Variants in PPP1R1C observed in about 807,000 individuals in gnomAD.
PPP1R1C encodes the protein protein phosphatase 1 regulatory subunit 1C.
PPP1R1C carries 15 observed loss-of-function variants against 17.4 expected under a neutral mutation model. The observed-to-expected ratio is 0.86, with a 90% CI of 0.58 to 1.33. The LOEUF is 1.33. Among genes scored for constraint, PPP1R1C ranks in the 40% most tolerant of loss-of-function variants. The pLI is 0.00. For missense variants in PPP1R1C, 143 were observed against 130.0 expected (o/e 1.10, Z -0.48); for synonymous variants, 35 against 43.1 (o/e 0.81, Z 0.73).
At chr2:182,105,459 G>T (rs955490258) in intron 4 of PPP1R1C, among the ~76,000 whole-genome samples, 3 of 149,168 alleles carry the variant, frequency 2.0e-5, no homozygotes, top group Non-Finnish European at 3.0e-5. Flanking sequence ...CACAATTGTA[G>T]GTTTGTCAGA....
At chr2:182,040,868 T>A (rs1385205515) in intron 2 of PPP1R1C, among the ~76,000 whole-genome samples, 1 of 152,140 alleles carries the variant, frequency 6.6e-6, no homozygotes, top group Non-Finnish European at 1.5e-5. Flanking sequence ...TCTCTACATG[T>A]GGCTTGCCAG....
intron 3 of PPP1R1C, among the ~76,000 whole-genome samples, chr2:182,062,707 A>C (rs1280571896): frequency 6.6e-6 from 1 of 152,130 alleles, no homozygotes; most frequent in Non-Finnish European, 1.5e-5. Flanking sequence ...GAGGGCAGTT[A>C]ATCTTTAGCA....
At chr2:182,111,478 G>C (rs1689435760) in intron 4 of PPP1R1C, among the ~76,000 whole-genome samples, 1 of 151,944 alleles carries the variant, frequency 6.6e-6, no homozygotes, top group South Asian at 2.1e-4. Flanking sequence ...ATACATTTAT[G>C]GTGAGTTCAG....
rs552156000 is a variant in PPP1R1C at position 181,959,489 on chromosome 2, A to G, written n.111+4855A>G. ...TTTCATGCTACATAACCCATCAACT[A>G]GTTAATACATATCTTTAAAAAACAT... On this transcript the variant is annotated intron_variant and non_coding_transcript_variant, in intron 1 of 5. Coordinates refer to the PPP1R1C transcript ENST00000464264. 4.9e-4 allele frequency among the ~76,000 whole-genome samples: 74 copies of G among 152,332 alleles called. 1 individual carries two copies. In the South Asian group the frequency reaches 0.015, roughly 31 times the overall value.
chr2:182,090,039 G>A (rs960704807), intron 4 of PPP1R1C, among the ~76,000 whole-genome samples: 8 of 151,814 alleles, frequency 5.3e-5, no homozygotes, highest in African/African-American at 1.7e-4. Context: ...CTAACCAAAA[G>A]CAAATCTTTT....
chr2:182,033,536 T>C (rs1686908712), intron 2 of PPP1R1C, among the ~76,000 whole-genome samples: 1 of 152,148 alleles, frequency 6.6e-6, no homozygotes, highest in Non-Finnish European at 1.5e-5. Context: ...AATAATCAAT[T>C]TTTGCCCATT....
At chr2:182,082,577 C>T (rs752968394) in intron 4 of PPP1R1C, among the ~76,000 whole-genome samples, 2 of 152,062 alleles carry the variant, frequency 1.3e-5, no homozygotes, top group East Asian at 3.9e-4. Context: ...TTGTTTACTG[C>T]CCTGCCTTCG....
chr2:182,040,007 G>C (rs1687133371), intron 2 of PPP1R1C, among the ~76,000 whole-genome samples: 1 of 152,180 alleles, frequency 6.6e-6, no homozygotes, highest in African/African-American at 2.4e-5. Flanking sequence ...TAGCTGAGTA[G>C]TATTCCATGG....
At chr2:181,954,952 A>G (rs1684646609) in intron 1 of PPP1R1C, among the ~76,000 whole-genome samples, 1 of 152,230 alleles carries the variant, frequency 6.6e-6, no homozygotes. Context: ...GGAGTTCTCA[A>G]ATCCTAATTG....
chr2:182,072,391 A>G (rs1449162452), intron 4 of PPP1R1C, among the ~76,000 whole-genome samples: 1 of 152,242 alleles, frequency 6.6e-6, no homozygotes. Context: ...AAAGATGTTT[A>G]TAATACCTTA....
At chr2:182,060,393 T>A (rs1196157) in intron 2 of PPP1R1C, among the ~76,000 whole-genome samples, 62 of 151,962 alleles carry the variant, frequency 4.1e-4, no homozygotes, top group African/African-American at 1.4e-3. Flanking sequence ...CACATACATA[T>A]GTATACACTG....
intron 2 of PPP1R1C, among the ~76,000 whole-genome samples, chr2:182,031,503 T>C (rs554914362): frequency 2.6e-5 from 4 of 152,324 alleles, no homozygotes; most frequent in South Asian, 2.1e-4. Flanking sequence ...CCTGGAGAAT[T>C]TGTATTTATG....
intron 1 of PPP1R1C, among the ~76,000 whole-genome samples, chr2:181,964,558 T>C (rs1684871576): frequency 6.6e-6 from 1 of 152,218 alleles, no homozygotes; most frequent in Admixed American, 6.5e-5. Context: ...TTCTCCATAG[T>C]GGCTATACTA....
At position 181,961,504 on chromosome 2, in the gene PPP1R1C, TC is replaced by T; in HGVS notation, n.111+6873del. 9.0e-7 allele frequency: 1 copy of T among 1,116,250 alleles called. No homozygotes were observed. The highest frequency in any genetic ancestry group is 1.3e-6 in the Non-Finnish European group (1 of 759,378). The allele number at this position is 1,116,250 out of a possible 1,614,324, so 69.1% of individuals were successfully genotyped here. Reference sequence around the variant, plus strand: ...CTGCAGGGTGTAGCGGGCCTCCACCTCCCTCAGGCTGTTCTCCAAGCTGGCC... The same window carrying T: ...CTGCAGGGTGTAGCGGGCCTCCACCTCCTCAGGCTGTTCTCCAAGCTGGCC... On this transcript the variant is annotated intron_variant and non_coding_transcript_variant, in intron 1 of 5. Transcript: ENST00000464264. The surrounding 1 kb of genome is among the most constrained non-coding windows in gnomAD (Gnocchi z 5.8).
intron 4 of PPP1R1C, among the ~76,000 whole-genome samples, chr2:182,087,931 G>T (rs1355741799): frequency 6.6e-5 from 10 of 152,332 alleles, no homozygotes; most frequent in Non-Finnish European, 5.9e-5. Context: ...CATAGGCTAG[G>T]AAGTGGAGCG....
intron 1 of PPP1R1C, among the ~76,000 whole-genome samples, chr2:181,964,033 C>T (rs375570012): frequency 6.6e-6 from 1 of 152,090 alleles, no homozygotes; most frequent in Non-Finnish European, 1.5e-5. Context: ...CCCTGTTGTG[C>T]TATCAAATAC....
intron 2 of PPP1R1C, among the ~76,000 whole-genome samples, chr2:182,040,056 G>A (rs929660538): frequency 6.6e-6 from 1 of 152,140 alleles, no homozygotes; most frequent in Non-Finnish European, 1.5e-5. Context: ...CTCATTAGTT[G>A]ATGGGCACTT....
intron 2 of PPP1R1C, 128 bp downstream of exon 2, chr2:181,988,027 TC>T (rs1306874979): frequency 1.5e-6 from 1 of 683,012 alleles, no homozygotes; most frequent in Non-Finnish European, 2.5e-6. Context: ...AGAAAGCTAA[TC>T]TATAAAATGG....
At chr2:182,068,635 G>C (rs1031235182) in intron 4 of PPP1R1C, among the ~76,000 whole-genome samples, 1 of 152,062 alleles carries the variant, frequency 6.6e-6, no homozygotes, top group African/African-American at 2.4e-5. Context: ...CCTAGCTCCG[G>C]TCCTCAGACA....
Sources: gnomAD v4.1 joint callset for allele counts (sites outside exome capture counted in the v4.1 genomes callset) on GRCh38, gnomAD v4.1.1 for gene constraint, Gnocchi (gnomAD v3.1) non-coding constraint, MANE v1.5 for transcripts, NCBI Gene and HGNC (gene_info 2026-07-23, HGNC 2026-07-21) for gene names.